The following CDH11 variants were observed in gnomAD, a reference collection of about 807,000 sequenced individuals.
CDH11 encodes cadherin-11.
A neutral mutation model predicts 67.8 loss-of-function variants in CDH11; 11 were observed. The ratio of observed to expected loss-of-function variants is 0.16; its 90% CI spans 0.10 to 0.27. The LOEUF (loss-of-function observed/expected upper bound fraction) is 0.27, where lower values mean the gene tolerates loss of function less well. CDH11 is among the 10% of genes least tolerant of loss of function. The pLI is 1.00. For missense variants in CDH11, 847 were observed against 1,031.2 expected (o/e 0.82, Z 2.45); for synonymous variants, 419 against 400.0 (o/e 1.05, Z -0.57).
chr16:65,094,898 G>A (rs2074861050), intron 1 of CDH11: 2 of 150,228 alleles, frequency 1.3e-5, no homozygotes. Context: ...TTGCAGAACT[G>A]TGAGAAAAAA....
intron 1 of CDH11, among the ~76,000 whole-genome samples, chr16:65,117,075 GC>G (rs2075256929): frequency 6.6e-6 from 1 of 152,146 alleles, no homozygotes; most frequent in Admixed American, 6.5e-5. Flanking sequence ...ATTTAAAATT[GC>G]CCCTTTTAAA....
chr16:65,118,921 C>G lies in CDH11; in HGVS notation c.-298+2959G>C, dbSNP rs8060978. On this transcript the variant is annotated intron_variant, in intron 1 of 12. Transcript: ENST00000268603. Reference sequence around the variant, plus strand: ...ATTGAGAATGAAGGAAGACTAAAATCAGATTTGAAGATCTTGTTTAGATGG... The same window carrying G: ...ATTGAGAATGAAGGAAGACTAAAATGAGATTTGAAGATCTTGTTTAGATGG... 4.0e-3 allele frequency: 616 copies of G among 152,274 alleles called. 6 individuals carry two copies. Among genetic ancestry groups the G allele is most frequent in the African/African-American group, 0.014 (586 of 41,546 alleles). The allele number at this position is 152,274 out of a possible 1,614,324, so 9.4% of individuals were successfully genotyped here.
chr16:65,067,399 A>C (rs2074330756), intron 1 of CDH11, among the ~76,000 whole-genome samples: 1 of 152,198 alleles, frequency 6.6e-6, no homozygotes, highest in African/African-American at 2.4e-5. Flanking sequence ...TGTGAAAGAA[A>C]GAGGTATTAA....
At chr16:65,031,872 A>C (rs1017848863) in intron 2 of CDH11, among the ~76,000 whole-genome samples, 5 of 152,190 alleles carry the variant, frequency 3.3e-5, no homozygotes, top group African/African-American at 1.2e-4. Flanking sequence ...CCAAAAGTCC[A>C]TAATTTTGGT....
At chr16:65,023,605 G>A (rs1251163986) in intron 2 of CDH11, among the ~76,000 whole-genome samples, 2 of 152,168 alleles carry the variant, frequency 1.3e-5, no homozygotes, top group African/African-American at 4.8e-5. Context: ...GTATGTGTAT[G>A]TTATTTCTTC....
intron 1 of CDH11, among the ~76,000 whole-genome samples, chr16:65,083,729 G>A (rs2074649938): frequency 6.6e-6 from 1 of 152,204 alleles, no homozygotes; most frequent in Admixed American, 6.5e-5. Context: ...CATCAGGGGT[G>A]GCTGACATCA....
intron 2 of CDH11, among the ~76,000 whole-genome samples, chr16:65,045,210 T>C (rs545829297): frequency 6.6e-6 from 1 of 151,556 alleles, no homozygotes; most frequent in East Asian, 2.0e-4. Context: ...CAAAATAGTA[T>C]GTTATAGACA....
At chr16:65,065,797 G>A (rs1431291567) in intron 1 of CDH11, among the ~76,000 whole-genome samples, 1 of 152,216 alleles carries the variant, frequency 6.6e-6, no homozygotes, top group African/African-American at 2.4e-5. Context: ...TAAACCAGGG[G>A]CCTGCTCATG....
chr16:65,025,809 T>G (rs969157408), intron 2 of CDH11, among the ~76,000 whole-genome samples: 1 of 152,212 alleles, frequency 6.6e-6, no homozygotes. Flanking sequence ...ATAGGCATCC[T>G]TGTTTATCCC....
Position 64,947,782 on chromosome 16 carries a change from C to A in CDH11, c.2212G>T (p.Asp738Tyr). 6.2e-7 allele frequency: 1 copy of A among 1,614,164 alleles called. No individual in the cohort carries two copies. Among genetic ancestry groups the A allele is most frequent in the East Asian group, 2.2e-5 (1 of 44,874 alleles). ...TCATAACCGTAGATTTGAATGGAGT[C>A]ATAAGGAGGAGCCGTGGGGTCATTG... ...ADNDPTAPPY[D>Y]SIQIYGYEGR... Residue 738 changes from aspartate (D) to tyrosine (Y), a missense_variant, in exon 13 of 13, where the codon GAC becomes TAC. Transcript: ENST00000268603.
chr16:65,122,184 C>T (rs1220648578), upstream of CDH11: 1 of 547,608 alleles, frequency 1.8e-6, no homozygotes, highest in Non-Finnish European at 3.2e-6. Context: ...AAGGAAAGGG[C>T]GGGGGCTGAG....
At chr16:65,002,954 G>T (rs1208651216) in intron 3 of CDH11, among the ~76,000 whole-genome samples, 2 of 145,024 alleles carry the variant, frequency 1.4e-5, no homozygotes, top group African/African-American at 2.5e-5. Context: ...AATTGCTTAG[G>T]TAACTGTCTC....
chr16:64,994,766 A>G (rs944923420), intron 4 of CDH11, among the ~76,000 whole-genome samples: 1 of 152,212 alleles, frequency 6.6e-6, no homozygotes, highest in African/African-American at 2.4e-5. Context: ...GAAGAAGTCA[A>G]ATTATTTCTC....
chr16:64,964,005 G>C (rs1037147689), intron 11 of CDH11, among the ~76,000 whole-genome samples: 3 of 152,194 alleles, frequency 2.0e-5, no homozygotes, highest in Non-Finnish European at 4.4e-5. Flanking sequence ...GATATACAGA[G>C]AGAAAAGAAG....
At chr16:65,080,470 G>A (rs376604076) in intron 1 of CDH11, among the ~76,000 whole-genome samples, 37 of 152,248 alleles carry the variant, frequency 2.4e-4, no homozygotes, top group Middle Eastern at 6.8e-3. Flanking sequence ...TTTTTTAAAT[G>A]CTCATTATAA....
chr16:65,047,079 C>T (rs945251863), intron 2 of CDH11, among the ~76,000 whole-genome samples: 1 of 152,072 alleles, frequency 6.6e-6, no homozygotes, highest in African/African-American at 2.4e-5. Context: ...GCACCACTGC[C>T]CTCCAACCTG....
At chr16:65,074,628 C>T (rs553753510) in intron 1 of CDH11, among the ~76,000 whole-genome samples, 1 of 152,164 alleles carries the variant, frequency 6.6e-6, no homozygotes, top group Admixed American at 6.5e-5. Flanking sequence ...TGTAATTTTC[C>T]CTATTTCCAA....
In CDH11 at chr16:65,105,913, A is replaced by T. The variant is rs550644845; in HGVS notation, c.-298+15967T>A. ...GAGTGATGCTATTACCATGAATTTC[A>T]TCAATTCAGTCTTACCCACAATGCT... is the stretch of plus-strand genomic sequence containing the variant. On this transcript the variant is annotated intron_variant, in intron 1 of 12. Transcript: ENST00000268603. Among the ~76,000 whole-genome samples the T allele has an allele frequency of 3.3e-4, 51 of 152,360 alleles. No individual in the cohort carries two copies. The South Asian group carries it at 3.9e-3, about 12-fold the overall frequency.
At chr16:65,032,863 G>A (rs981008066) in intron 2 of CDH11, among the ~76,000 whole-genome samples, 1 of 152,056 alleles carries the variant, frequency 6.6e-6, no homozygotes, top group African/African-American at 2.4e-5. Context: ...TTCATCAAGA[G>A]GTGAGACCTA....
Sources: gnomAD v4.1 joint callset for allele counts (sites outside exome capture counted in the v4.1 genomes callset) on GRCh38, gnomAD v4.1.1 for gene constraint, MANE v1.5 for transcripts, NCBI Gene and HGNC (gene_info 2026-07-23, HGNC 2026-07-21) for gene names.